Variants in CHIC2 observed in about 807,000 individuals in gnomAD.
CHIC2 encodes the protein cysteine-rich hydrophobic domain-containing protein 2.
A neutral mutation model predicts 25.9 loss-of-function variants in CHIC2; 14 were observed. The observed-to-expected ratio is 0.54, with a 90% confidence interval of 0.36 to 0.85. The LOEUF (loss-of-function observed/expected upper bound fraction) is 0.85. CHIC2 is among the 40% of genes least tolerant of loss of function. The pLI is 0.01. For synonymous variants in CHIC2, 70 were observed against 72.0 expected, an observed-to-expected ratio of 0.97 and a Z score of 0.14; for missense variants, 146 against 202.0, an observed-to-expected ratio of 0.72 and a Z score of 1.68.
chr4:54,059,994 G>A (rs955709903), intron 1 of CHIC2: 1 of 152,182 alleles, frequency 6.6e-6, no homozygotes, highest in Non-Finnish European at 1.5e-5. Context: ...GGAGAAAGAA[G>A]TAGGAATTAT....
chr4:54,066,448 C>A (rs1448816698), upstream of CHIC2, among the ~76,000 whole-genome samples: 2 of 152,014 alleles, frequency 1.3e-5, no homozygotes, highest in African/African-American at 2.4e-5. Flanking sequence ...TTAATATTCC[C>A]CCAAGAACCT....
At chr4:54,064,747 G>A (rs1001912862), upstream of CHIC2, 53 of 694,416 alleles carry the variant, frequency 7.6e-5, no homozygotes, top group Admixed American at 3.8e-4. This position sits in a 1 kb window ranked among gnomAD's most constrained non-coding sequence, Gnocchi z 4.2. Context: ...GCGCACGTGC[G>A]GCCTCGCGCG....
chr4:54,014,281 A>T (rs1458738009), intron 3 of CHIC2, among the ~76,000 whole-genome samples, 162 bp from the exon 4 acceptor site: 1 of 152,172 alleles, frequency 6.6e-6, no homozygotes, highest in Non-Finnish European at 1.5e-5. Context: ...TAACCTGAAC[A>T]CAAAAGAGTA....
the CHIC2 span, among the ~76,000 whole-genome samples, chr4:54,083,879 C>G: frequency 1.3e-5 from 2 of 152,194 alleles, 1 homozygote; most frequent in Non-Finnish European, 2.9e-5. Context: ...CACTCACACT[C>G]TTTGCTTTCT....
At chr4:54,030,418 G>C (rs895602685) in intron 3 of CHIC2, among the ~76,000 whole-genome samples, 1 of 151,326 alleles carries the variant, frequency 6.6e-6, no homozygotes, top group African/African-American at 2.4e-5. Context: ...GCCTACTTGG[G>C]AGGGTGAGGT....
chr4:54,055,414 C>T (rs1342043563), intron 1 of CHIC2, among the ~76,000 whole-genome samples: 1 of 152,120 alleles, frequency 6.6e-6, no homozygotes, highest in East Asian at 1.9e-4. Flanking sequence ...AGAGGAAAAT[C>T]AAGAATACAT....
chr4:54,012,224 T>C (rs1359875267), intron 5 of CHIC2, among the ~76,000 whole-genome samples: 1 of 152,020 alleles, frequency 6.6e-6, no homozygotes, highest in African/African-American at 2.4e-5. Context: ...GCTAGACTAC[T>C]GGCATGCCCA....
At chr4:54,011,370 A>C (rs536056698) in intron 5 of CHIC2, among the ~76,000 whole-genome samples, 4 of 152,228 alleles carry the variant, frequency 2.6e-5, no homozygotes, top group Non-Finnish European at 4.4e-5. Context: ...TTTGCCTACA[A>C]AATATTCACT....
At chr4:54,037,521 T>C (rs949695730) in intron 3 of CHIC2, among the ~76,000 whole-genome samples, 1 of 152,182 alleles carries the variant, frequency 6.6e-6, no homozygotes, top group Non-Finnish European at 1.5e-5. Flanking sequence ...ACTATCTTGA[T>C]GCACACAAGT....
the CHIC2 span, among the ~76,000 whole-genome samples, chr4:54,088,191 T>C: frequency 6.6e-6 from 1 of 151,910 alleles, no homozygotes; most frequent in African/African-American, 2.4e-5. Context: ...ATTTGTTCTC[T>C]TTTTTTTAAT....
At chr4:54,043,995 G>T (rs1430807409) in intron 3 of CHIC2, among the ~76,000 whole-genome samples, 2 of 152,186 alleles carry the variant, frequency 1.3e-5, no homozygotes, top group East Asian at 1.9e-4. Flanking sequence ...AAAGGCAGGG[G>T]TTGCAATCCT....
At chr4:54,039,842 A>G (rs1429106671) in intron 3 of CHIC2, among the ~76,000 whole-genome samples, 2 of 152,204 alleles carry the variant, frequency 1.3e-5, no homozygotes, top group Non-Finnish European at 2.9e-5. Flanking sequence ...ATACAATGGA[A>G]TACTACTCAA....
chr4:54,070,685 A>C, the CHIC2 span, among the ~76,000 whole-genome samples: 1 of 152,132 alleles, frequency 6.6e-6, no homozygotes, highest in African/African-American at 2.4e-5. Context: ...GGCCTCCCAA[A>C]GTGCTGAGGT....
chr4:54,080,535 G>T, the CHIC2 span, among the ~76,000 whole-genome samples: 3 of 151,952 alleles, frequency 2.0e-5, no homozygotes, highest in Non-Finnish European at 2.9e-5. Context: ...GAAGGCTGAG[G>T]CAGGTGGATC....
At chr4:54,025,656 C>T (rs1014164462) in intron 3 of CHIC2, among the ~76,000 whole-genome samples, 11 of 151,714 alleles carry the variant, frequency 7.3e-5, no homozygotes, top group African/African-American at 2.4e-4. Context: ...CCTAGAAGTT[C>T]GAGACCAGCC....
chr4:54,091,766 A>G, the CHIC2 span, among the ~76,000 whole-genome samples: 2 of 152,140 alleles, frequency 1.3e-5, no homozygotes, highest in African/African-American at 4.8e-5. Flanking sequence ...TTCACACACC[A>G]TCACGCCCAC....
chr4:54,010,224 T>C, intron 5 of CHIC2, 79 bp from the exon 6 acceptor site: 1 of 1,012,782 alleles, frequency 9.9e-7, no homozygotes, highest in South Asian at 1.5e-5. Flanking sequence ...GCTTTCACAA[T>C]TTTTTTGAAA....
intron 5 of CHIC2, among the ~76,000 whole-genome samples, chr4:54,011,839 A>T (rs910764749): frequency 3.3e-5 from 5 of 151,806 alleles, no homozygotes; most frequent in South Asian, 2.1e-4. Context: ...ATATATATAT[A>T]TTTTTTAGTA....
intron 3 of CHIC2, among the ~76,000 whole-genome samples, chr4:54,042,459 C>T (rs1029874395): frequency 6.6e-6 from 1 of 152,038 alleles, no homozygotes. Context: ...CTAAATACAC[C>T]GTACACACTG....
Sources: gnomAD v4.1 joint callset for allele counts (sites outside exome capture counted in the v4.1 genomes callset) on GRCh38, gnomAD v4.1.1 for gene constraint, Gnocchi (gnomAD v3.1) non-coding constraint, MANE v1.5 for transcripts, NCBI Gene and HGNC (gene_info 2026-07-23, HGNC 2026-07-21) for gene names.